Variants in KNTC1 observed in about 807,000 individuals in gnomAD.
KNTC1 encodes kinetochore associated 1.
In KNTC1, 253 loss-of-function variants were observed where a neutral mutation model predicts 314.4. The observed-to-expected ratio is 0.80, with a 90% CI of 0.73 to 0.89. The LOEUF (loss-of-function observed/expected upper bound fraction) is 0.89, where lower values mean the gene tolerates loss of function less well. KNTC1 is among the 40% of genes least tolerant of loss of function. The pLI is 0.00. For synonymous variants in KNTC1, 901 were observed against 901.4 expected, an observed-to-expected ratio of 1.00 and a Z score of 0.01; for missense variants, 2,475 against 2,572.9, an observed-to-expected ratio of 0.96 and a Z score of 0.82.
At chr12:122,573,377 T>C in intron 26 of KNTC1, 92 bp downstream of exon 26, 1 of 1,162,318 alleles carries the variant, frequency 8.6e-7, no homozygotes, top group South Asian at 1.5e-5. Flanking sequence ...TGTCATATGC[T>C]TTCTCAGTAG....
chr12:122,616,358 G>T (rs1227558179), intron 57 of KNTC1, among the ~76,000 whole-genome samples: 2 of 151,868 alleles, frequency 1.3e-5, no homozygotes, highest in Non-Finnish European at 2.9e-5. Context: ...CGCCTGCTGG[G>T]TTCACGCTAT....
Position 122,576,892 on chromosome 12 carries a change from C to T in KNTC1, c.2587-3C>T. On this transcript the variant is annotated splice_region_variant and splice_polypyrimidine_tract_variant and intron_variant, in intron 29 of 63. Coordinates refer to ENST00000333479, the MANE Select transcript of KNTC1 (RefSeq NM_014708.6). Reference sequence around the variant, plus strand: ...AAAGAAATGTTCATATTGTCTTTTGCAGAGAGTGGTTAGATACATTCTCAA... The same window carrying T: ...AAAGAAATGTTCATATTGTCTTTTGTAGAGAGTGGTTAGATACATTCTCAA... 1 of 1,557,376 alleles carries T rather than the reference C, an allele frequency of 6.4e-7. No individual in the cohort carries two copies. The highest frequency in any genetic ancestry group is 2.1e-5 in the Admixed American group (1 of 48,310).
intron 44 of KNTC1, among the ~76,000 whole-genome samples, chr12:122,600,671 C>CTT (rs879643875): frequency 2.7e-5 from 4 of 146,554 alleles, no homozygotes; most frequent in African/African-American, 9.9e-5. Context: ...GAGCTTCCTT[C>CTT]TTTTTTTTTT....
At chr12:122,585,587 G>A in intron 36 of KNTC1, 49 bp from the exon 37 acceptor site, 1 of 1,597,414 alleles carries the variant, frequency 6.3e-7, no homozygotes, top group Non-Finnish European at 8.6e-7. Flanking sequence ...GAAACAATGT[G>A]TTGTGCAGCG....
chr12:122,568,867 G>A (rs1018118743), intron 21 of KNTC1, among the ~76,000 whole-genome samples: 5 of 152,056 alleles, frequency 3.3e-5, no homozygotes, highest in African/African-American at 9.6e-5. Context: ...TACTTTTCCC[G>A]GAGAAAATTG....
intron 57 of KNTC1, chr12:122,617,515 C>T (rs955916455): frequency 1.2e-4 from 34 of 288,864 alleles, no homozygotes; most frequent in Middle Eastern, 2.2e-3. Context: ...TGAGCCACCG[C>T]GCCTGGCCAG....
At chr12:122,583,426 T>C (rs1868733225) in intron 34 of KNTC1, among the ~76,000 whole-genome samples, 1 of 152,230 alleles carries the variant, frequency 6.6e-6, no homozygotes, top group Non-Finnish European at 1.5e-5. Flanking sequence ...TGTCAGAAAG[T>C]AGTAGCATAA....
chr12:122,531,976 G>A (rs1237830583), intron 2 of KNTC1, among the ~76,000 whole-genome samples: 3 of 150,038 alleles, frequency 2.0e-5, no homozygotes, highest in Admixed American at 6.7e-5. Context: ...CTCGTGATCC[G>A]CCCGGCTCGG....
At chr12:122,563,618 C>T (rs112484578) in intron 20 of KNTC1, 36,187 of 444,376 alleles carry the variant, frequency 0.081, 1,812 homozygotes, top group Middle Eastern at 0.14. Flanking sequence ...TTTTTCACTG[C>T]GCCACCCTAG....
In KNTC1 at chr12:122,543,683, TTAA is replaced by T. The variant is rs1565937832; in HGVS notation, c.558+51_558+53del. The T allele has an allele frequency of 4.4e-6, 5 of 1,138,548 alleles. No individual in the cohort carries two copies. In the South Asian group the frequency reaches 7.3e-5, roughly 17 times the overall value. 70.5% of individuals were successfully genotyped at this position (1,138,548 alleles called of 1,614,324 possible). ...CCTCTTAAAAAAATTACATTTAATA[TTAA>T]TGTAGTAGAATGTTTCTGTATATAA... On this transcript the variant is annotated intron_variant, in intron 7 of 63. Transcript: ENST00000333479.
intron 50 of KNTC1, 95 bp downstream of exon 50, chr12:122,605,182 C>T: frequency 8.7e-7 from 1 of 1,144,324 alleles, no homozygotes; most frequent in East Asian, 2.6e-5. Context: ...ATATTACTTA[C>T]ATATGCTTAT....
chr12:122,539,184 G>A (rs1036526525), intron 4 of KNTC1, among the ~76,000 whole-genome samples: 1 of 152,154 alleles, frequency 6.6e-6, no homozygotes, highest in Non-Finnish European at 1.5e-5. Flanking sequence ...GGAGCAGGCA[G>A]CTTTCTGCTG....
Position 122,547,470 on chromosome 12 carries a change from C to T in KNTC1, c.872C>T (p.Ser291Phe), listed in dbSNP as rs776903535. The T allele has an allele frequency of 1.3e-5, 21 of 1,613,462 alleles. No homozygotes were observed. The East Asian group carries it at 4.7e-4, about 36-fold the overall frequency. Residue 291 changes from serine (S) to phenylalanine (F), a missense_variant, in exon 11 of 64, where the codon TCT becomes TTT. Coordinates refer to ENST00000333479, the MANE Select transcript of KNTC1 (RefSeq NM_014708.6). ...CTAACTCCTGTATGGAACTGGCCCT[C>T]TCTTCACGTAGAAGAGTTTCTTCTT... is the stretch of plus-strand genomic sequence containing the variant. ...YTLTPVWNWP[S>F]LHVEEFLLTT... is the part of the protein sequence containing the mutation.
Position 122,626,329 on chromosome 12 carries a change from G to A in KNTC1, c.*101G>A, listed in dbSNP as rs1172157258. ...TAAATTGTACAATCTCTGTATTATAGCTATTTGTCTAACATTACCCCACAT... is the reference window on the plus strand; with the variant it reads ...TAAATTGTACAATCTCTGTATTATAACTATTTGTCTAACATTACCCCACAT... On this transcript the variant is annotated 3_prime_UTR_variant, in exon 64 of 64. Coordinates refer to ENST00000333479, the MANE Select transcript of KNTC1 (RefSeq NM_014708.6). The A allele has an allele frequency of 2.5e-6, 2 of 798,826 alleles. No homozygotes were observed. Among genetic ancestry groups the A allele is most frequent in the Non-Finnish European group, 4.2e-6 (2 of 481,198 alleles). The allele number at this position is 798,826 out of a possible 1,614,324, so 49.5% of individuals were successfully genotyped here.
intron 45 of KNTC1, among the ~76,000 whole-genome samples, chr12:122,602,220 G>A (rs1872019711): frequency 6.6e-6 from 1 of 151,936 alleles, no homozygotes; most frequent in South Asian, 2.1e-4. Flanking sequence ...AAAGATAAGA[G>A]CGTAGAGAAT....
intron 3 of KNTC1, 109 bp from the exon 4 acceptor site, chr12:122,538,230 A>T: frequency 3.2e-6 from 2 of 630,678 alleles, no homozygotes; most frequent in Non-Finnish European, 5.7e-6. Context: ...CAGTATTTAG[A>T]AGTAACTTAA....
chr12:122,606,423 G>A (rs1256135609), intron 51 of KNTC1, among the ~76,000 whole-genome samples: 1 of 151,720 alleles, frequency 6.6e-6, no homozygotes, highest in Non-Finnish European at 1.5e-5. Flanking sequence ...TCACCATGTT[G>A]GCCAAGCTGG....
chr12:122,592,043 C>G (rs1870287011), intron 42 of KNTC1, among the ~76,000 whole-genome samples: 1 of 152,190 alleles, frequency 6.6e-6, no homozygotes, highest in Non-Finnish European at 1.5e-5. Flanking sequence ...CGAGCAGGAA[C>G]CCGGGCTGCG....
chr12:122,600,739 C>T (rs1871760054), intron 44 of KNTC1, among the ~76,000 whole-genome samples: 1 of 151,710 alleles, frequency 6.6e-6, no homozygotes, highest in African/African-American at 2.4e-5. Flanking sequence ...GATCTCAGCT[C>T]ACTGCAACCT....
Sources: allele counts gnomAD v4.1 joint callset (sites outside exome capture counted in the v4.1 genomes callset), GRCh38; gene constraint gnomAD v4.1.1; transcripts MANE v1.5; gene names NCBI Gene and HGNC (gene_info 2026-07-23, HGNC 2026-07-21).